Variants in ZFP64 observed in about 807,000 individuals in gnomAD.
ZFP64 encodes ZFP64 zinc finger protein, also known as zinc finger protein 64.
ZFP64 carries 14 observed loss-of-function variants against 51.6 expected under a neutral mutation model. That is an observed-to-expected ratio of 0.27 (90% CI 0.18 to 0.42). The LOEUF (loss-of-function observed/expected upper bound fraction) is 0.42. Ranked by LOEUF, ZFP64 falls within the 10% of genes least tolerant of loss-of-function variation. The pLI is 1.00. For synonymous variants in ZFP64, 375 were observed against 361.4 expected, an observed-to-expected ratio of 1.04 and a Z score of -0.43; for missense variants, 754 against 906.8, an observed-to-expected ratio of 0.83 and a Z score of 2.16.
chr20:52,170,517 G>T (rs942934466), intron 2 of ZFP64, among the ~76,000 whole-genome samples: 3 of 152,116 alleles, frequency 2.0e-5, no homozygotes, highest in Admixed American at 2.0e-4. Flanking sequence ...ATCATTTTGG[G>T]GCAGGGCTAA....
intron 5 of ZFP64, among the ~76,000 whole-genome samples, chr20:52,103,546 G>C (rs1305960577): frequency 1.3e-5 from 2 of 152,202 alleles, no homozygotes; most frequent in Non-Finnish European, 2.9e-5. Flanking sequence ...CCGAAACACT[G>C]GGTGCGGCTC....
intron 8 of ZFP64, chr20:52,088,290 C>T (rs1324258103): frequency 5.3e-6 from 8 of 1,522,910 alleles, no homozygotes; most frequent in Non-Finnish European, 7.1e-6. Context: ...TCTTGTACTT[C>T]TACCACACCA....
At chr20:52,095,479 A>G (rs2078978478) in intron 7 of ZFP64, among the ~76,000 whole-genome samples, 1 of 143,248 alleles carries the variant, frequency 7.0e-6, no homozygotes, top group Admixed American at 7.0e-5. Context: ...CCATTACTTG[A>G]GTCCCAGTAG....
chr20:52,103,802 G>A (rs1008724228), intron 5 of ZFP64, among the ~76,000 whole-genome samples: 3 of 152,204 alleles, frequency 2.0e-5, no homozygotes, highest in African/African-American at 7.2e-5. Context: ...CGGGCACGAG[G>A]GTGGTTGTAC....
intron 5 of ZFP64, chr20:52,098,658 G>C (rs2079018416): frequency 1.9e-6 from 3 of 1,590,510 alleles, no homozygotes; most frequent in Admixed American, 3.4e-5. Flanking sequence ...AATACAGTAG[G>C]TTTGGGCTTA....
intron 5 of ZFP64, among the ~76,000 whole-genome samples, chr20:52,100,048 C>T (rs2122763447): frequency 6.6e-6 from 1 of 152,348 alleles, no homozygotes; most frequent in South Asian, 2.1e-4. Context: ...GGCTGGATTG[C>T]AGTGGTGTGA....
At chr20:52,180,281 T>C (rs1257067656) in intron 2 of ZFP64, among the ~76,000 whole-genome samples, 1 of 152,244 alleles carries the variant, frequency 6.6e-6, no homozygotes, top group Non-Finnish European at 1.5e-5. Flanking sequence ...TATGTGCTGC[T>C]GCAAACGCCA....
At chr20:52,159,725 A>G (rs1981616433) in intron 5 of ZFP64, among the ~76,000 whole-genome samples, 2 of 146,006 alleles carry the variant, frequency 1.4e-5, no homozygotes, top group African/African-American at 2.5e-5. Context: ...GGTACAACAT[A>G]CCTGTAATCC....
chr20:52,123,750 T>C (rs7273121), intron 5 of ZFP64, among the ~76,000 whole-genome samples: 64,091 of 151,922 alleles, frequency 0.42, 14,537 homozygotes, highest in Admixed American at 0.51. Flanking sequence ...GTTTCAAAGT[T>C]GCTTTAAGAA....
At chr20:52,189,304 G>A (rs1442951458) in intron 1 of ZFP64, among the ~76,000 whole-genome samples, 3 of 151,474 alleles carry the variant, frequency 2.0e-5, no homozygotes, top group Admixed American at 6.6e-5. Flanking sequence ...GCTGAGGCAG[G>A]AGAATTGCTT....
In ZFP64 at chr20:52,143,824, A is replaced by G. The variant is rs1446454489; in HGVS notation, c.763+16299T>C. Among the ~76,000 whole-genome samples the G allele has an allele frequency of 3.5e-5, 5 of 142,974 alleles. 2 individuals are homozygous for G. The highest frequency in any genetic ancestry group is 7.8e-5 in the Non-Finnish European group (5 of 64,308). 93.8% of individuals were successfully genotyped at this position (142,974 alleles called of 152,430 possible). On this transcript the variant is annotated intron_variant, in intron 5 of 8. Coordinates refer to the ZFP64 transcript ENST00000361387. Reference sequence around the variant, plus strand: ...CTTGGCCTCCCAAAGTGCTGAGATTATAGGCGTGAACCACCATGCCTGGCC... The same window carrying G: ...CTTGGCCTCCCAAAGTGCTGAGATTGTAGGCGTGAACCACCATGCCTGGCC...
rs1025712621 is a variant in ZFP64 at position 52,153,163 on chromosome 20, C to G, written c.1029G>C (p.Glu343Asp). ...AGGAGTAGCTGCATTCCGAGCACTT[C>G]TCAGGATGCTCCGACTGGTGCACGC... The part of the protein sequence containing the change: ...HSRVHQSEHP[E>D]KCSECSYSCS... Residue 343 changes from glutamate to aspartate, a missense_variant, in exon 6 of 6, where the codon GAG (glutamate) becomes GAC (aspartate). Physicochemically the swap from Glu to Asp is conservative, Grantham distance 45 (BLOSUM62 2). Transcript: ENST00000216923. The surrounding 1 kb of genome is among the most constrained non-coding windows in gnomAD (Gnocchi z 5.1). The G allele has an allele frequency of 1.5e-5, 25 of 1,614,100 alleles. No homozygotes were observed. Among genetic ancestry groups the G allele is most frequent in the Non-Finnish European group, 2.1e-5 (25 of 1,180,044 alleles).
intron 5 of ZFP64, among the ~76,000 whole-genome samples, chr20:52,119,531 AAAAT>A (rs1321709859): frequency 6.1e-5 from 4 of 65,184 alleles, no homozygotes; most frequent in Non-Finnish European, 9.9e-5. Context: ...AAAAAAAAAA[AAAAT>A]ATATATATAT....
Position 52,152,844 on chromosome 20 carries a change from A to G in ZFP64, c.1348T>C (p.Tyr450His), listed in dbSNP as rs1302585830. 6.2e-6 allele frequency: 10 copies of G among 1,613,962 alleles called. No homozygotes were observed. The highest frequency in any genetic ancestry group is 1.3e-5 in the African/African-American group (1 of 74,910). ...ACGTCCGAGTTCTTACTCTCACTGTACTCACTGTGCTGTCTCTTGTGGCTG... is the reference window on the plus strand; with the variant it reads ...ACGTCCGAGTTCTTACTCTCACTGTGCTCACTGTGCTGTCTCTTGTGGCTG... ...LRSHKRQHSE[Y>H]SESKNSDVTV... The change falls in exon 6 of 6, where the codon TAC (tyrosine) becomes CAC (histidine). Residue 450 changes from tyrosine (Y) to histidine (H), a missense_variant. This residue lies in a region of ZFP64 where 428 missense variants were observed against 472.4 expected (regional missense o/e 0.91). Coordinates refer to ENST00000216923, the MANE Select transcript of ZFP64 (RefSeq NM_018197.3).
chr20:52,139,005 A>G (rs1404820281), intron 5 of ZFP64, among the ~76,000 whole-genome samples: 2 of 152,242 alleles, frequency 1.3e-5, no homozygotes, highest in Non-Finnish European at 2.9e-5. Context: ...CACTAGTCAG[A>G]GTGGCTACCA....
At chr20:52,107,065 C>T (rs113491962) in intron 5 of ZFP64, among the ~76,000 whole-genome samples, 1,733 of 152,092 alleles carry the variant, frequency 0.011, 28 homozygotes, top group African/African-American at 0.039. Context: ...CCAGCCTGGG[C>T]GACAGAGTGA....
At position 52,141,134 on chromosome 20, in the gene ZFP64, A is replaced by G. The variant is rs186897523; in HGVS notation, c.763+18989T>C. On this transcript the variant is annotated intron_variant, in intron 5 of 8. Coordinates refer to the ZFP64 transcript ENST00000361387. Reference sequence around the variant, plus strand: ...CAATATTACTGCTTATTGACAATACATCTGGTCACCCAAGAGCTCTGATGG... The same window carrying G: ...CAATATTACTGCTTATTGACAATACGTCTGGTCACCCAAGAGCTCTGATGG... Among the ~76,000 whole-genome samples the G allele has an allele frequency of 7.2e-5, 11 of 152,316 alleles. No homozygotes were observed. In the South Asian group the frequency reaches 1.9e-3, roughly 26 times the overall value.
intron 4 of ZFP64, 89 bp downstream of exon 4, chr20:52,164,606 G>A: frequency 9.2e-7 from 1 of 1,085,472 alleles, no homozygotes; most frequent in Non-Finnish European, 1.4e-6. Flanking sequence ...GACGTTTGGA[G>A]TGGTATCATT....
chr20:52,141,675 C>T (rs1047752013), intron 5 of ZFP64, among the ~76,000 whole-genome samples: 2 of 152,088 alleles, frequency 1.3e-5, no homozygotes, highest in Admixed American at 1.3e-4. Flanking sequence ...GAAGTGGTTC[C>T]TTGAGATAGA....
Sources: allele counts gnomAD v4.1 joint callset (sites outside exome capture counted in the v4.1 genomes callset), GRCh38; gene constraint gnomAD v4.1.1; regional missense constraint gnomAD v4.1.1; non-coding constraint Gnocchi (gnomAD v3.1); transcripts MANE v1.5; gene names NCBI Gene and HGNC (gene_info 2026-07-23, HGNC 2026-07-21).